TMEM243: variants seen among roughly 807,000 people sequenced by gnomAD.
TMEM243 encodes the protein MDR1 and mitochondrial taxol resistance associated.
Under a neutral mutation model 15.0 loss-of-function variants are expected in TMEM243, and 20 were observed. The ratio of observed to expected loss-of-function variants is 1.33; its 90% CI spans 0.94 to 1.93. The LOEUF (loss-of-function observed/expected upper bound fraction) is 1.93, where lower values mean the gene tolerates loss of function less well. Ranked by LOEUF, TMEM243 falls within the 30% of genes most tolerant of loss-of-function variation. The pLI is 0.00. For synonymous variants in TMEM243, 72 were observed against 52.7 expected (o/e 1.37, Z -1.59); for missense variants, 156 against 142.1 (o/e 1.10, Z -0.50).
chr7:87,215,758 C>A (rs1014063516), intron 1 of TMEM243, among the ~76,000 whole-genome samples: 1 of 152,158 alleles, frequency 6.6e-6, no homozygotes, highest in African/African-American at 2.4e-5. Flanking sequence ...CATAAGATAG[C>A]CAACCTAACA....
upstream of TMEM243, among the ~76,000 whole-genome samples, chr7:87,220,016 G>A (rs2129243723): frequency 6.6e-6 from 1 of 152,372 alleles, no homozygotes; most frequent in African/African-American, 2.4e-5. Flanking sequence ...GGGAGAAAAA[G>A]TTTTCTTGGA....
intron 1 of TMEM243, among the ~76,000 whole-genome samples, chr7:87,203,571 C>T (rs747769893): frequency 2.7e-5 from 4 of 150,272 alleles, no homozygotes; most frequent in African/African-American, 4.9e-5. Context: ...GCAAGGATCA[C>T]GCCACTGCAC....
chr7:87,198,188 T>A, intron 2 of TMEM243, 143 bp from the exon 3 acceptor site: 1 of 602,614 alleles, frequency 1.7e-6, no homozygotes, highest in Non-Finnish European at 2.9e-6. Context: ...AGAATGTTAA[T>A]ACAGTAATTA....
intron 1 of TMEM243, among the ~76,000 whole-genome samples, chr7:87,202,679 A>T (rs1393176621): frequency 6.6e-6 from 1 of 152,242 alleles, no homozygotes; most frequent in African/African-American, 2.4e-5. Flanking sequence ...ACAAAAGACA[A>T]GTGTAATGAA....
intron 1 of TMEM243, chr7:87,199,300 TGATTGGGTAGTATCAAATGG>T: frequency 2.4e-6 from 1 of 419,184 alleles, no homozygotes; most frequent in East Asian, 3.9e-5. Context: ...ACTAGAGTCT[TGATTGGGTAGTATCAAATGG>T]GTAAGGGAGG....
chr7:87,212,975 G>C (rs1398060348), intron 1 of TMEM243, among the ~76,000 whole-genome samples: 1 of 152,192 alleles, frequency 6.6e-6, no homozygotes, highest in Admixed American at 6.5e-5. Context: ...CAGAAGGAAA[G>C]TGAGAAGAGA....
At chr7:87,208,442 G>T (rs1166272233) in intron 1 of TMEM243, among the ~76,000 whole-genome samples, 2 of 152,204 alleles carry the variant, frequency 1.3e-5, no homozygotes, top group African/African-American at 4.8e-5. Flanking sequence ...GATGCAAGAG[G>T]TAGGTTCCCA....
At chr7:87,214,228 C>A (rs1802953269) in intron 1 of TMEM243, among the ~76,000 whole-genome samples, 1 of 152,178 alleles carries the variant, frequency 6.6e-6, no homozygotes, top group South Asian at 2.1e-4. Flanking sequence ...GATACCACAG[C>A]CAGCTAATAA....
chr7:87,196,783 AATTAAAATTTGAAATATAACATTTTCTCT>A (rs1801298922), intron 3 of TMEM243, 25 bp from the exon 4 acceptor site: 1 of 1,476,900 alleles, frequency 6.8e-7, no homozygotes, highest in South Asian at 1.3e-5. Context: ...AAAGTTTATA[AATTAAAATTTGAAATATAACATTTTCTCT>A]ACCAATTTCA....
intron 3 of TMEM243, chr7:87,197,621 T>TA (rs1460604028): frequency 2.4e-6 from 2 of 836,646 alleles, no homozygotes; most frequent in Non-Finnish European, 3.4e-6. Flanking sequence ...TGTTGGCCCT[T>TA]ACGTAGTCCT....
intron 3 of TMEM243, chr7:87,197,726 A>C: frequency 5.2e-6 from 3 of 578,036 alleles, no homozygotes; most frequent in Admixed American, 6.0e-5. Flanking sequence ...TAAGCTATCA[A>C]GGGAGTGGAA....
chr7:87,197,043 G>A (rs1405933047), intron 3 of TMEM243, among the ~76,000 whole-genome samples: 1 of 151,944 alleles, frequency 6.6e-6, no homozygotes, highest in African/African-American at 2.4e-5. Flanking sequence ...CATATACCTG[G>A]GCATACTACT....
At chr7:87,220,533 CCTT>C (rs1206497978), upstream of TMEM243, 2 of 152,312 alleles carry the variant, frequency 1.3e-5, no homozygotes, top group African/African-American at 4.8e-5. Context: ...CCTCCCGGCT[CCTT>C]CTCAGGTCCC....
At chr7:87,219,336 G>C in intron 1 of TMEM243, 90 bp downstream of exon 1, 1 of 1,296,072 alleles carries the variant, frequency 7.7e-7, no homozygotes, top group Non-Finnish European at 1.1e-6. Context: ...GTGCTTTTAG[G>C]AGCCGCAGAA....
chr7:87,202,840 G>A (rs994235451), intron 1 of TMEM243: 1 of 152,164 alleles, frequency 6.6e-6, no homozygotes, highest in African/African-American at 2.4e-5. Flanking sequence ...TGAGAAGACT[G>A]GGCTAAATGA....
At chr7:87,218,544 G>A (rs1470365806) in intron 1 of TMEM243, 1 of 152,104 alleles carries the variant, frequency 6.6e-6, no homozygotes, top group East Asian at 1.9e-4. Flanking sequence ...CATTACCTTT[G>A]GAGAGTTGAA....
At chr7:87,200,854 G>A (rs1035625132) in intron 1 of TMEM243, among the ~76,000 whole-genome samples, 3 of 152,134 alleles carry the variant, frequency 2.0e-5, no homozygotes, top group African/African-American at 7.2e-5. Context: ...TGCTAGTGCT[G>A]GTCTAGACAA....
intron 1 of TMEM243, among the ~76,000 whole-genome samples, chr7:87,201,336 T>C (rs1276579747): frequency 6.6e-6 from 1 of 152,226 alleles, no homozygotes; most frequent in Admixed American, 6.5e-5. Context: ...CTGAGAGAAC[T>C]GCAAGAAATG....
chr7:87,205,045 G>A (rs1802104477), intron 1 of TMEM243, among the ~76,000 whole-genome samples: 1 of 152,214 alleles, frequency 6.6e-6, no homozygotes, highest in Non-Finnish European at 1.5e-5. Flanking sequence ...CCACATAGAA[G>A]TTGCCATGTG....
Sources: gnomAD v4.1 joint callset for allele counts (sites outside exome capture counted in the v4.1 genomes callset) on GRCh38, gnomAD v4.1.1 for gene constraint, MANE v1.5 for transcripts, NCBI Gene and HGNC (gene_info 2026-07-23, HGNC 2026-07-21) for gene names.